DDB1: variants seen among roughly 807,000 people sequenced by gnomAD.
The protein encoded by DDB1 is DNA damage-binding protein 1.
In DDB1, 18 loss-of-function variants were observed where a neutral mutation model predicts 133.1. The ratio of observed to expected loss-of-function variants is 0.14; its 90% CI spans 0.09 to 0.20. DDB1 has a LOEUF of 0.20. Among genes scored for constraint, DDB1 ranks in the 10% least tolerant of loss-of-function variants. The pLI is 1.00. For synonymous variants in DDB1, 580 were observed against 550.5 expected (o/e 1.05, Z -0.75); for missense variants, 828 against 1,459.2 (o/e 0.57, Z 7.05).
Position 61,333,019 on chromosome 11 carries a change from G to A in DDB1, c.-51C>T, listed in dbSNP as rs1213320938. 2.8e-6 allele frequency: 4 copies of A among 1,435,602 alleles called. No homozygotes were observed. Among genetic ancestry groups the A allele is most frequent in the Middle Eastern group, 3.6e-4 (2 of 5,520 alleles). 88.9% of individuals were successfully genotyped at this position (1,435,602 alleles called of 1,614,324 possible). On this transcript the variant is annotated 5_prime_UTR_variant, in exon 1 of 27. Coordinates refer to ENST00000301764, the MANE Select transcript of DDB1 (RefSeq NM_001923.5). ...GACTCGAGCGCGACACTAGAAAGAG[G>A]GACACAAGCGAAAAGACAGGTGGCC...
chr11:61,311,558 G>T (rs1033713798), intron 18 of DDB1, among the ~76,000 whole-genome samples: 22 of 152,120 alleles, frequency 1.4e-4, no homozygotes, highest in Non-Finnish European at 1.5e-5. Flanking sequence ...GACAGATGCT[G>T]CAAGGCCACC....
intron 16 of DDB1, 113 bp downstream of exon 16, chr11:61,313,386 C>T (rs991064111): frequency 4.1e-5 from 40 of 974,664 alleles, no homozygotes; most frequent in Non-Finnish European, 5.8e-5. Flanking sequence ...ACTATACTTC[C>T]CATCTCAGTT....
At chr11:61,322,937 C>A in intron 8 of DDB1, 74 bp downstream of exon 8, 1 of 1,241,558 alleles carries the variant, frequency 8.1e-7, no homozygotes, top group Non-Finnish European at 1.1e-6. Context: ...CTGAGAGGTG[C>A]CAAACATAGG....
At chr11:61,324,487 A>G (rs1340412033) in intron 6 of DDB1, 1 of 209,112 alleles carries the variant, frequency 4.8e-6, no homozygotes, top group South Asian at 7.8e-5. Context: ...TAATACCACT[A>G]ATTACCCCCT....
In DDB1 at chr11:61,299,945, T is replaced by G. The variant is rs538485460; in HGVS notation, c.*191A>C. 23 of 599,450 alleles carry G rather than the reference T, an allele frequency of 3.8e-5. No homozygotes were observed. In the East Asian group the frequency reaches 6.4e-4, roughly 17 times the overall value. The allele number at this position is 599,450 out of a possible 1,614,324, so 37.1% of individuals were successfully genotyped here. Reference sequence around the variant, plus strand: ...GACTGGTAAAAATCCAGGGAGAAAATGTTTCACCTTCAGCTCATTCCCAAG... The same window carrying G: ...GACTGGTAAAAATCCAGGGAGAAAAGGTTTCACCTTCAGCTCATTCCCAAG... On this transcript the variant is annotated 3_prime_UTR_variant, in exon 27 of 27. Transcript: ENST00000301764.
intron 19 of DDB1, 93 bp downstream of exon 19, chr11:61,310,202 G>A: frequency 6.6e-7 from 1 of 1,522,318 alleles, no homozygotes. Flanking sequence ...AGGACAGTCT[G>A]CCACATCTGT....
At chr11:61,317,113 T>C (rs1469491906) in intron 10 of DDB1, among the ~76,000 whole-genome samples, 1 of 133,748 alleles carries the variant, frequency 7.5e-6, no homozygotes, top group Non-Finnish European at 1.5e-5. Context: ...TTTTGTTTTG[T>C]TTGTTTGCTT....
rs1231445636 is a variant in DDB1 at position 61,314,061 on chromosome 11, T to A, written c.1739A>T (p.Glu580Val). 6 of 1,613,876 alleles carry A rather than the reference T, an allele frequency of 3.7e-6. No homozygotes were observed. Among genetic ancestry groups the A allele is most frequent in the Admixed American group, 1.7e-5 (1 of 59,972 alleles). ...ATGACACATACCTCCACCCAGCATC[T>A]CCTTGTGCAGTAGTTCAAAAGAGGG... is the stretch of plus-strand genomic sequence containing the variant. ...KLPSFELLHK[E>V]MLGGEIIPRS... The change falls in exon 14 of 27, where the codon GAG becomes GTG. Residue 580 changes from glutamate to valine, a missense_variant. By Grantham distance (121) the Glu-to-Val change is moderately radical (BLOSUM62 -2). Coordinates refer to ENST00000301764, the MANE Select transcript of DDB1 (RefSeq NM_001923.5).
intron 19 of DDB1, 54 bp downstream of exon 19, chr11:61,310,241 C>G (rs904387236): frequency 6.3e-7 from 1 of 1,576,242 alleles, no homozygotes; most frequent in Non-Finnish European, 8.6e-7. Context: ...GAGCCCAGAA[C>G]AGCCTGGATT....
At chr11:61,318,612 T>C (rs924801831) in intron 10 of DDB1, among the ~76,000 whole-genome samples, 8 of 152,250 alleles carry the variant, frequency 5.3e-5, no homozygotes, top group African/African-American at 1.7e-4. Flanking sequence ...ACTGGGCCTT[T>C]TGTCTATAAG....
At position 61,309,048 on chromosome 11, in the gene DDB1, C is replaced by T; in HGVS notation, c.2596G>A (p.Val866Met). The T allele has an allele frequency of 6.2e-7, 1 of 1,614,184 alleles. No homozygotes were observed. Among genetic ancestry groups the T allele is most frequent in the Non-Finnish European group, 8.5e-7 (1 of 1,180,038 alleles). The stretch of plus-strand genomic sequence containing the variant: ...ACCATAGAGTACACGGCCCCTTTCA[C>T]TTCCTTTTCAGCCACAGTCTGTAGT... ...GKLQTVAEKE[V>M]KGAVYSMVEF... The change falls in exon 21 of 27, where the codon GTG becomes ATG. Residue 866 changes from valine (V) to methionine (M), a missense_variant. This residue lies in a region of DDB1 where 36 missense variants were observed against 139.9 expected (regional missense o/e 0.26). Coordinates refer to ENST00000301764, the MANE Select transcript of DDB1 (RefSeq NM_001923.5).
At chr11:61,329,860 T>C (rs1208013718) in intron 3 of DDB1, 98 bp downstream of exon 3, 2 of 1,057,826 alleles carry the variant, frequency 1.9e-6, no homozygotes, top group Non-Finnish European at 2.8e-6. Flanking sequence ...CTTATTTCTC[T>C]GATCGAATAG....
chr11:61,325,475 C>A (rs562209633), intron 6 of DDB1, 136 bp downstream of exon 6: 13 of 698,838 alleles, frequency 1.9e-5, no homozygotes, highest in Non-Finnish European at 2.6e-5. Flanking sequence ...CAATGGCCAA[C>A]GCAATACCTT....
rs1311722946 is a variant in DDB1, at chr11:61,300,177, C to T, written c.3382G>A (p.Asp1128Asn). ...SGMKREATADDLIKVVEELTR... is the reference protein window; with the variant it reads ...SGMKREATADNLIKVVEELTR... ...AGCTCCTCCACAACCTTGATGAGGT[C>T]GTCTGCAGTGGCCTCTCGCTTCATA... is the stretch of plus-strand genomic sequence containing the variant. Residue 1128 changes from aspartate (D) to asparagine (N), a missense_variant, in exon 27 of 27, where the codon GAC becomes AAC. Physicochemically the swap from Asp to Asn is conservative, Grantham distance 23 (BLOSUM62 1). This residue lies in a region of DDB1 where 116 missense variants were observed against 221.6 expected (regional missense o/e 0.52). Transcript: ENST00000301764. 1.9e-6 allele frequency: 3 copies of T among 1,614,200 alleles called. No homozygotes were observed. Among genetic ancestry groups the T allele is most frequent in the East Asian group, 2.2e-5 (1 of 44,882 alleles).
rs377355355 is a variant in DDB1, at chr11:61,305,637, CG to C, written c.2662-1603del. 4.9e-4 allele frequency among the ~76,000 whole-genome samples: 74 copies of C among 152,256 alleles called. No individual in the cohort carries two copies. The East Asian group carries it at 0.011, about 23-fold the overall frequency. On this transcript the variant is annotated intron_variant, in intron 21 of 26. Coordinates refer to ENST00000301764, the MANE Select transcript of DDB1 (RefSeq NM_001923.5). ...CACACCTCCAACAGAAAGAGTGAAG[CG>C]GGGGGCCTCAGAGCTCCACATGTTC...
chr11:61,315,876 A>G (rs769549310), intron 12 of DDB1: 2 of 160,790 alleles, frequency 1.2e-5, no homozygotes, highest in Non-Finnish European at 2.7e-5. Flanking sequence ...TGGTAGCATC[A>G]TGATTTTTTC....
At chr11:61,314,580 A>G in intron 12 of DDB1, 94 bp from the exon 13 acceptor site, 1 of 1,244,338 alleles carries the variant, frequency 8.0e-7, no homozygotes, top group South Asian at 1.5e-5. Context: ...ATAGAGCCCT[A>G]CGAATAAGCT....
At chr11:61,330,909 G>A (rs1462746044) in intron 2 of DDB1, among the ~76,000 whole-genome samples, 7 of 152,290 alleles carry the variant, frequency 4.6e-5, no homozygotes, top group African/African-American at 1.4e-4. Context: ...ACCCACCTCG[G>A]CCTCCCAAAG....
At position 61,314,089 on chromosome 11, in the gene DDB1, A is replaced by G. The variant is rs558506935; in HGVS notation, c.1711T>C (p.Leu571=). The change falls in exon 14 of 27, where the codon TTG becomes CTG. Residue 571 remains leucine (L), a synonymous_variant. Coordinates refer to ENST00000301764, the MANE Select transcript of DDB1 (RefSeq NM_001923.5). The part of the protein sequence containing the change: ...WTDISARILK[L]PSFELLHKEM... ...TTGTGCAGTAGTTCAAAAGAGGGCAACTTCAAGATACGAGCCGAGATGTCC... is the reference window on the plus strand; with the variant it reads ...TTGTGCAGTAGTTCAAAAGAGGGCAGCTTCAAGATACGAGCCGAGATGTCC... 29 of 1,614,130 alleles carry G rather than the reference A, an allele frequency of 1.8e-5. No homozygotes were observed. The highest frequency in any genetic ancestry group is 3.3e-4 in the Middle Eastern group (2 of 6,060).
Sources: gnomAD v4.1 joint callset for allele counts (sites outside exome capture counted in the v4.1 genomes callset) on GRCh38, gnomAD v4.1.1 for gene constraint, gnomAD v4.1.1 regional missense constraint, MANE v1.5 for transcripts, NCBI Gene and HGNC (gene_info 2026-07-23, HGNC 2026-07-21) for gene names.